The following MSH4 variants were observed in gnomAD, a reference collection of about 807,000 sequenced individuals.
MSH4 encodes the protein mutS homolog 4.
MSH4 carries 106 observed loss-of-function variants against 113.7 expected under a neutral mutation model. The observed-to-expected ratio is 0.93, with a 90% confidence interval of 0.80 to 1.10. MSH4 has a LOEUF of 1.10. MSH4 is among the 50% of genes least tolerant of loss of function. MSH4 has a pLI of 0.00. For missense variants in MSH4, 1,061 were observed against 1,093.7 expected (o/e 0.97, Z 0.42); for synonymous variants, 368 against 380.2 (o/e 0.97, Z 0.37).
intron 7 of MSH4, among the ~76,000 whole-genome samples, chr1:75,830,464 G>A (rs1650658383): frequency 1.3e-5 from 2 of 152,074 alleles, no homozygotes; most frequent in South Asian, 4.1e-4. Flanking sequence ...TCCTCAAGAA[G>A]AGCAATTCCA....
chr1:75,911,106 C>CA (rs979148331), intron 19 of MSH4, among the ~76,000 whole-genome samples: 34 of 151,432 alleles, frequency 2.2e-4, no homozygotes, highest in African/African-American at 8.0e-4. Context: ...TACAGGGTAC[C>CA]ATACTAGATT....
At chr1:75,877,541 C>T (rs1240458128) in intron 10 of MSH4, among the ~76,000 whole-genome samples, 1 of 152,032 alleles carries the variant, frequency 6.6e-6, no homozygotes, top group Non-Finnish European at 1.5e-5. Context: ...TGAGGCCACA[C>T]ATTGAAGTTA....
At chr1:75,856,226 T>A (rs1318257565) in intron 8 of MSH4, among the ~76,000 whole-genome samples, 1 of 149,490 alleles carries the variant, frequency 6.7e-6, no homozygotes, top group East Asian at 2.1e-4. Context: ...GAAAAAAAAA[T>A]TATAATTAGC....
intron 6 of MSH4, 46 bp downstream of exon 6, chr1:75,816,592 TA>T (rs753703353): frequency 5.3e-5 from 59 of 1,115,470 alleles, no homozygotes; most frequent in Non-Finnish European, 6.6e-5. Context: ...GGTATATATA[TA>T]TTTTTCTATT....
chr1:75,884,025 A>T (rs966450626), intron 15 of MSH4, among the ~76,000 whole-genome samples: 2 of 152,114 alleles, frequency 1.3e-5, no homozygotes, highest in Non-Finnish European at 2.9e-5. Context: ...TTTCAATTGC[A>T]TTGCACTAAA....
intron 15 of MSH4, among the ~76,000 whole-genome samples, chr1:75,886,700 TAA>T (rs1652127549): frequency 8.5e-6 from 1 of 117,390 alleles, no homozygotes; most frequent in East Asian, 3.8e-4. Flanking sequence ...GTATAATATA[TAA>T]ATATATTATA....
At chr1:75,873,748 T>TTATATATATATATATATATA (rs61020580) in intron 9 of MSH4, among the ~76,000 whole-genome samples, 5 of 150,342 alleles carry the variant, frequency 3.3e-5, no homozygotes, top group African/African-American at 1.2e-4. Context: ...GATCTTGTTT[T>TTATATATATATATATATATA]TATATATATA....
At chr1:75,839,911 T>C (rs1163967278) in intron 7 of MSH4, among the ~76,000 whole-genome samples, 1 of 144,264 alleles carries the variant, frequency 6.9e-6, no homozygotes, top group African/African-American at 2.6e-5. Flanking sequence ...AAAAAACACA[T>C]GAAAAAATGC....
At position 75,898,031 on chromosome 1, in the gene MSH4, T is replaced by A. The variant is rs751859698; in HGVS notation, c.2480T>A (p.Ile827Asn). ...AATACCTCAAGAAATAAAGAAGCAATTTTGTATACCTACAAACTTTCTAAG... is the reference window on the plus strand; with the variant it reads ...AATACCTCAAGAAATAAAGAAGCAAATTTGTATACCTACAAACTTTCTAAG... ...VKNTSRNKEA[I>N]LYTYKLSKGL... Residue 827 changes from isoleucine to asparagine, a missense_variant, in exon 18 of 20, where the codon ATT (isoleucine) becomes AAT (asparagine). Physicochemically the swap from Ile to Asn is moderately radical, Grantham distance 149. Transcript: ENST00000263187. 4.4e-6 allele frequency: 7 copies of A among 1,604,598 alleles called. No homozygotes were observed. The highest frequency in any genetic ancestry group is 6.0e-6 in the Non-Finnish European group (7 of 1,175,494).
chr1:75,912,672 A>ATG, intron 19 of MSH4, 24 bp from the exon 20 acceptor site: 1 of 1,242,142 alleles, frequency 8.1e-7, no homozygotes, highest in Non-Finnish European at 1.1e-6. Flanking sequence ...ATATATATAT[A>ATG]TATTTTTTTT....
At chr1:75,862,916 CT>C (rs1279920263) in intron 8 of MSH4, among the ~76,000 whole-genome samples, 4 of 152,080 alleles carry the variant, frequency 2.6e-5, no homozygotes, top group Admixed American at 2.0e-4. Flanking sequence ...AAAAATAAAG[CT>C]TAAATTTCTT....
At chr1:75,903,385 A>T (rs1204739238) in intron 19 of MSH4, among the ~76,000 whole-genome samples, 3 of 151,938 alleles carry the variant, frequency 2.0e-5, no homozygotes, top group Admixed American at 2.0e-4. Context: ...CAATTTTTTG[A>T]TGTGTCTGTA....
At chr1:75,831,805 T>G (rs938463951) in intron 7 of MSH4, among the ~76,000 whole-genome samples, 22 of 152,208 alleles carry the variant, frequency 1.4e-4, no homozygotes, top group Non-Finnish European at 3.2e-4. Context: ...GGGAAGTTTA[T>G]AGCACTAAAT....
chr1:75,799,651 T>C (rs906361384), intron 1 of MSH4, among the ~76,000 whole-genome samples: 2 of 152,210 alleles, frequency 1.3e-5, no homozygotes, highest in East Asian at 1.9e-4. Context: ...AAACTGCTAA[T>C]AATTTTGCTT....
chr1:75,813,933 G>C (rs1215072893), intron 4 of MSH4, among the ~76,000 whole-genome samples: 1 of 152,132 alleles, frequency 6.6e-6, no homozygotes, highest in Admixed American at 6.5e-5. Context: ...TTGAGTCTCA[G>C]CTTTGGCACA....
chr1:75,907,684 C>CTCTCTCTATATATATATATATA (rs1307238647), intron 19 of MSH4, among the ~76,000 whole-genome samples: 5 of 46,538 alleles, frequency 1.1e-4, no homozygotes, highest in Admixed American at 3.4e-4. Flanking sequence ...CTCTCTCTCT[C>CTCTCTCTATATATATATATATA]TATACATATA....
At chr1:75,882,178 A>G (rs938760896) in intron 14 of MSH4, among the ~76,000 whole-genome samples, 5 of 152,078 alleles carry the variant, frequency 3.3e-5, no homozygotes, top group African/African-American at 9.7e-5. Context: ...CTTTGCATCA[A>G]AACTCTACTT....
intron 18 of MSH4, 138 bp from the exon 19 acceptor site, chr1:75,899,480 G>T: frequency 2.4e-6 from 1 of 425,364 alleles, no homozygotes; most frequent in East Asian, 3.7e-5. Flanking sequence ...GCTTAATTCT[G>T]AGAATTATTG....
intron 15 of MSH4, among the ~76,000 whole-genome samples, chr1:75,885,055 G>GTATATATATATATATA (rs1469516814): frequency 1.9e-4 from 19 of 102,250 alleles, no homozygotes; most frequent in African/African-American, 6.6e-4. Context: ...GTGTGTGTGT[G>GTATATATATATATATA]TGTGTATATA....
Sources: gnomAD v4.1 joint callset for allele counts (sites outside exome capture counted in the v4.1 genomes callset) on GRCh38, gnomAD v4.1.1 for gene constraint, MANE v1.5 for transcripts, NCBI Gene and HGNC (gene_info 2026-07-23, HGNC 2026-07-21) for gene names.